CHST9: variants seen among roughly 807,000 people sequenced by gnomAD.
The protein encoded by CHST9 is GalNAc-4-sulfotransferase 2.
In CHST9, 41 loss-of-function variants were observed where a neutral mutation model predicts 44.4. The observed-to-expected ratio is 0.92, with a 90% CI of 0.72 to 1.20. The LOEUF is 1.20. CHST9 is among the 50% of genes most tolerant of loss of function. The pLI is 0.00. For missense variants in CHST9, 504 were observed against 516.5 expected, an observed-to-expected ratio of 0.98 and a Z score of 0.23; for synonymous variants, 171 against 178.4, an observed-to-expected ratio of 0.96 and a Z score of 0.33.
At chr18:26,976,243 T>G (rs2056622549) in intron 4 of CHST9, among the ~76,000 whole-genome samples, 1 of 152,054 alleles carries the variant, frequency 6.6e-6, no homozygotes, top group Admixed American at 6.6e-5. Context: ...TCAGACACAC[T>G]TGCAGTAATC....
chr18:27,015,323 T>TTGTGTGTG (rs10690815), intron 4 of CHST9, among the ~76,000 whole-genome samples: 11,855 of 146,320 alleles, frequency 0.081, 589 homozygotes, highest in South Asian at 0.16. Context: ...AGAGAGGCAG[T>TTGTGTGTG]TGTGTGTGTG....
At chr18:27,153,544 C>CTTTGTG (rs748908317) in intron 1 of CHST9, among the ~76,000 whole-genome samples, 8 of 95,424 alleles carry the variant, frequency 8.4e-5, no homozygotes, top group Non-Finnish European at 1.3e-4. Flanking sequence ...CTCTCTCTCT[C>CTTTGTG]TCTGTGTGTG....
rs1471072186 is a variant in CHST9, at chr18:27,166,777, ATAAT to A, written c.-97+18355_-97+18358del. 2.6e-5 allele frequency among the ~76,000 whole-genome samples: 4 copies of A among 152,176 alleles called. No homozygotes were observed. In the East Asian group the frequency reaches 7.7e-4, roughly 29 times the overall value. ...CTTTTTTCTTTTTCAGATGGACCTA[ATAAT>A]TAAATTGGCCTAAGACAGATCAACA... is the stretch of plus-strand genomic sequence containing the variant. On this transcript the variant is annotated intron_variant, in intron 1 of 5. Coordinates refer to ENST00000618847, the MANE Select transcript of CHST9 (RefSeq NM_031422.6).
In CHST9 at chr18:27,061,886, T is replaced by C. The variant is rs918479425; in HGVS notation, c.122-13383A>G. On this transcript the variant is annotated intron_variant, in intron 2 of 5. Transcript: ENST00000618847. ...AGTAATTAGACTTCTAGAATTTCTA[T>C]ACATTTCTGGAATGCAAGCATGTCG... Among the ~76,000 whole-genome samples the C allele has an allele frequency of 3.3e-5, 5 of 152,186 alleles. No individual in the cohort carries two copies. In the East Asian group the frequency reaches 9.6e-4, roughly 29 times the overall value.
intron 4 of CHST9, among the ~76,000 whole-genome samples, chr18:26,995,712 CT>C (rs1469982846): frequency 2.0e-5 from 3 of 152,260 alleles, no homozygotes; most frequent in South Asian, 2.1e-4. Flanking sequence ...TTTCAGAAAA[CT>C]TTCATTAACA....
chr18:27,061,822 G>A (rs112107061), intron 2 of CHST9, among the ~76,000 whole-genome samples: 2,505 of 152,116 alleles, frequency 0.016, 40 homozygotes, highest in South Asian at 0.034. Flanking sequence ...CATCAAGCAG[G>A]TCATCTAGAG....
At chr18:27,064,682 C>A (rs2057762241) in intron 2 of CHST9, among the ~76,000 whole-genome samples, 1 of 151,874 alleles carries the variant, frequency 6.6e-6, no homozygotes, top group Admixed American at 6.6e-5. Flanking sequence ...TGAGCTGCTC[C>A]TGCCTCTGGT....
intron 5 of CHST9, among the ~76,000 whole-genome samples, chr18:26,925,024 T>A (rs916461802): frequency 4.0e-5 from 6 of 151,878 alleles, no homozygotes; most frequent in Admixed American, 3.9e-4. Flanking sequence ...TCCCTGATCT[T>A]ACGGAGCATC....
chr18:27,054,634 C>T (rs1385655367), intron 2 of CHST9, among the ~76,000 whole-genome samples: 2 of 152,066 alleles, frequency 1.3e-5, no homozygotes, highest in African/African-American at 4.8e-5. Context: ...ATTTACAGTA[C>T]ATTTCAGTAC....
intron 2 of CHST9, among the ~76,000 whole-genome samples, chr18:27,073,165 A>G (rs1317259056): frequency 6.6e-6 from 1 of 152,140 alleles, no homozygotes; most frequent in Non-Finnish European, 1.5e-5. Flanking sequence ...CTGCCTCACA[A>G]TGTTCTGAGA....
intron 1 of CHST9, among the ~76,000 whole-genome samples, chr18:27,160,051 G>C (rs56002237): frequency 1.3e-5 from 2 of 152,046 alleles, no homozygotes; most frequent in Admixed American, 6.5e-5. Flanking sequence ...CATGTCTTCC[G>C]CAAACAGGGA....
At chr18:27,152,237 T>C (rs1319531975) in intron 1 of CHST9, among the ~76,000 whole-genome samples, 1 of 152,200 alleles carries the variant, frequency 6.6e-6, no homozygotes, top group East Asian at 1.9e-4. Flanking sequence ...AAGACTTAAT[T>C]ATAATTAAAA....
At position 27,182,169 on chromosome 18, in the gene CHST9, T is replaced by C. The variant is rs1045099690; in HGVS notation, c.-97+2967A>G. The stretch of plus-strand genomic sequence containing the variant: ...AATTCAGAGTATTTACTATACATGG[T>C]GAAACTGTTTCTCCTCAATAATTCA... On this transcript the variant is annotated intron_variant, in intron 1 of 5. Transcript: ENST00000618847. Among the ~76,000 whole-genome samples, 6 of 152,302 alleles carry C rather than the reference T, an allele frequency of 3.9e-5. 1 individual carries two copies. In the South Asian group the frequency reaches 1.2e-3, roughly 32 times the overall value.
chr18:26,928,755 T>C (rs2055822983), intron 5 of CHST9, among the ~76,000 whole-genome samples: 1 of 152,104 alleles, frequency 6.6e-6, no homozygotes, highest in African/African-American at 2.4e-5. Context: ...TCAGCTGTGG[T>C]TAAAGGTTTC....
At chr18:26,949,047 G>C (rs952571346) in intron 4 of CHST9, among the ~76,000 whole-genome samples, 4 of 152,170 alleles carry the variant, frequency 2.6e-5, no homozygotes, top group Admixed American at 6.6e-5. Context: ...AAGTCTTTCA[G>C]ATGAGGATGA....
At chr18:27,042,485 C>T (rs2057456164) in intron 3 of CHST9, among the ~76,000 whole-genome samples, 1 of 152,052 alleles carries the variant, frequency 6.6e-6, no homozygotes, top group Non-Finnish European at 1.5e-5. Flanking sequence ...AAGAGAGGAG[C>T]ACAATCAGTT....
At chr18:27,070,905 G>A (rs1168684187) in intron 2 of CHST9, among the ~76,000 whole-genome samples, 1 of 152,130 alleles carries the variant, frequency 6.6e-6, no homozygotes, top group Non-Finnish European at 1.5e-5. Flanking sequence ...ATGAACCTTT[G>A]GAGGATAAAA....
chr18:27,098,515 C>T (rs188418830), intron 2 of CHST9, among the ~76,000 whole-genome samples: 59 of 152,106 alleles, frequency 3.9e-4, no homozygotes, highest in South Asian at 3.1e-3. Flanking sequence ...ATGTTTACTC[C>T]GGCACTATTT....
chr18:27,171,191 A>T (rs2058831245), intron 1 of CHST9, among the ~76,000 whole-genome samples: 1 of 152,208 alleles, frequency 6.6e-6, no homozygotes, highest in South Asian at 2.1e-4. Context: ...CCCCGTGTAC[A>T]ACACCTCCTG....
Sources: allele counts gnomAD v4.1 joint callset (sites outside exome capture counted in the v4.1 genomes callset), GRCh38; gene constraint gnomAD v4.1.1; transcripts MANE v1.5; gene names NCBI Gene and HGNC (gene_info 2026-07-23, HGNC 2026-07-21).